Variants in SHOC1 observed in about 807,000 individuals in gnomAD.
SHOC1 encodes the protein shortage in chiasmata 1.
A neutral mutation model predicts 179.2 loss-of-function variants in SHOC1; 136 were observed. That is an observed-to-expected ratio of 0.76 (90% confidence interval 0.66 to 0.87). The LOEUF is 0.87. Ranked by LOEUF, SHOC1 falls within the 40% of genes least tolerant of loss-of-function variation. SHOC1 has a pLI of 0.00. For missense variants in SHOC1, 1,538 were observed against 1,700.8 expected (o/e 0.90, Z 1.68); for synonymous variants, 489 against 586.6 (o/e 0.83, Z 2.41).
intron 23 of SHOC1, among the ~76,000 whole-genome samples, chr9:111,700,986 G>C (rs1157049275): frequency 6.6e-6 from 1 of 152,210 alleles, no homozygotes; most frequent in South Asian, 2.1e-4. Context: ...AGGACTCTTA[G>C]AAGCTTTCTC....
intron 12 of SHOC1, 171 bp downstream of exon 12, chr9:111,738,109 C>A: frequency 2.0e-6 from 1 of 489,878 alleles, no homozygotes; most frequent in Non-Finnish European, 3.4e-6. Context: ...ATCATTTTTT[C>A]AAGAAAATGG....
chr9:111,735,190 A>ATT (rs140714238), intron 12 of SHOC1, among the ~76,000 whole-genome samples: 28 of 148,874 alleles, frequency 1.9e-4, no homozygotes, highest in African/African-American at 6.9e-4. Context: ...TATGTACCAC[A>ATT]TTTTTTTTTT....
intron 12 of SHOC1, 25 bp downstream of exon 12, chr9:111,738,255 C>G (rs1833892115): frequency 6.3e-7 from 1 of 1,576,038 alleles, no homozygotes; most frequent in Non-Finnish European, 8.7e-7. Context: ...GTTTACATAA[C>G]TAATATTTAC....
chr9:111,749,885 T>C (rs1207815861), intron 8 of SHOC1, among the ~76,000 whole-genome samples: 1 of 152,254 alleles, frequency 6.6e-6, no homozygotes, highest in Admixed American at 6.5e-5. Flanking sequence ...TAGTATTCCA[T>C]GGTGTATATG....
Position 111,703,902 on chromosome 9 carries a change from T to C in SHOC1, c.2946A>G (p.Glu982=). 1 of 1,601,238 alleles carries C rather than the reference T, an allele frequency of 6.2e-7. No homozygotes were observed. The highest frequency in any genetic ancestry group is 8.5e-7 in the Non-Finnish European group (1 of 1,171,540). The change falls in exon 22 of 28, where the codon GAA becomes GAG. Residue 982 remains glutamate, a synonymous_variant. Coordinates refer to ENST00000682961, the MANE Select transcript of SHOC1 (RefSeq NM_001378211.1). The stretch of plus-strand genomic sequence containing the variant: ...TTACCTGCAAAATTATGGCAGTGTG[T>C]TCATCAATTGTCACCACTACATAAC... The part of the protein sequence containing the change: ...SECYVVVTID[E]HTAIILQDLE...
At chr9:111,718,059 G>C (rs1322256) in intron 16 of SHOC1, 125 bp downstream of exon 16, 16,955 of 590,354 alleles carry the variant, frequency 0.029, 846 homozygotes, top group African/African-American at 0.16. Flanking sequence ...TGTATGTAAT[G>C]CTTAGTATAA....
intron 5 of SHOC1, among the ~76,000 whole-genome samples, chr9:111,761,946 A>G (rs974151592): frequency 2.0e-5 from 3 of 152,190 alleles, no homozygotes; most frequent in Non-Finnish European, 2.9e-5. Context: ...GGGCATTCTC[A>G]TACCATACTA....
chr9:111,769,506 C>G lies in SHOC1; in HGVS notation c.442+6285G>C, dbSNP rs142897971. On this transcript the variant is annotated intron_variant, in intron 5 of 27. Coordinates refer to ENST00000682961, the MANE Select transcript of SHOC1 (RefSeq NM_001378211.1). ...TTTTCCTTTTTTTGACATAGGGTCT[C>G]ACTCTGTCACCCAGGCTGGAGTGCA... 7.9e-4 allele frequency among the ~76,000 whole-genome samples: 120 copies of G among 152,102 alleles called. 1 individual carries two copies. The highest frequency in any genetic ancestry group is 2.7e-3 in the African/African-American group (114 of 41,488).
rs142080105 is a variant in SHOC1 at position 111,729,824 on chromosome 9, G to A, written c.1418-1775C>T. 2.5e-3 allele frequency among the ~76,000 whole-genome samples: 377 copies of A among 151,180 alleles called. 1 individual carries two copies. Among genetic ancestry groups the A allele is most frequent in the Middle Eastern group, 6.9e-3 (2 of 288 alleles). The stretch of plus-strand genomic sequence containing the variant: ...GGAGAATCGCTTGAACCTGAGAGGC[G>A]GAGGGTACAGTGAGCCAAGATCATG... On this transcript the variant is annotated intron_variant, in intron 12 of 27. Coordinates refer to ENST00000682961, the MANE Select transcript of SHOC1 (RefSeq NM_001378211.1).
Position 111,703,956 on chromosome 9 carries a change from C to T in SHOC1, c.2892G>A (p.Glu964=). Residue 964 remains glutamate (E), a synonymous_variant, in exon 22 of 28, where the codon GAG becomes GAA. Transcript: ENST00000682961. ...NISLVERGCS[E]SLKLFGSSEC... ...CTGAACTTCCAAAGAGTTTCAATGACTCACTGCAGCCTCTCTCTACTAGTG... is the reference window on the plus strand; with the variant it reads ...CTGAACTTCCAAAGAGTTTCAATGATTCACTGCAGCCTCTCTCTACTAGTG... 6.2e-7 allele frequency: 1 copy of T among 1,605,870 alleles called. No homozygotes were observed. Among genetic ancestry groups the T allele is most frequent in the East Asian group, 2.2e-5 (1 of 44,728 alleles).
At position 111,705,359 on chromosome 9, in the gene SHOC1, T is replaced by G; in HGVS notation, c.2743A>C (p.Thr915Pro). Residue 915 changes from threonine to proline, a missense_variant, in exon 21 of 28, where the codon ACC (threonine) becomes CCC (proline). Thr to Pro is a conservative substitution (Grantham distance 38). Transcript: ENST00000682961. ...ILPDTVLERS[T>P]LLDRFGGFLL... is the part of the protein sequence containing the mutation. ...AAACCTCCAAATCTATCCAGCAAGGTGCTTCCTAAATAAGAGAAAATTTAT... is the reference window on the plus strand; with the variant it reads ...AAACCTCCAAATCTATCCAGCAAGGGGCTTCCTAAATAAGAGAAAATTTAT... The G allele has an allele frequency of 6.7e-7, 1 of 1,496,618 alleles. No homozygotes were observed. The highest frequency in any genetic ancestry group is 9.0e-7 in the Non-Finnish European group (1 of 1,116,926). The allele number at this position is 1,496,618 out of a possible 1,614,324, so 92.7% of individuals were successfully genotyped here.
intron 8 of SHOC1, among the ~76,000 whole-genome samples, chr9:111,751,180 C>G (rs1264253075): frequency 6.6e-6 from 1 of 152,146 alleles, no homozygotes; most frequent in African/African-American, 2.4e-5. Flanking sequence ...TTTGAGTTCT[C>G]TATTCTGTTC....
rs777985228 is a variant in SHOC1 at position 111,775,927 on chromosome 9, T to G, written c.306A>C (p.Glu102Asp). 40 of 1,613,314 alleles carry G rather than the reference T, an allele frequency of 2.5e-5. No homozygotes were observed. Among genetic ancestry groups the G allele is most frequent in the Admixed American group, 3.3e-5 (2 of 59,920 alleles). ...MVTQINCEFE[E>D]VVPSSNPDSQ... ...AGTCTGGATTTGAACTTGGAACAACTTCCTCAAATTCACAATTAATCTGGG... is the reference window on the plus strand; with the variant it reads ...AGTCTGGATTTGAACTTGGAACAACGTCCTCAAATTCACAATTAATCTGGG... Residue 102 changes from glutamate (E) to aspartate (D), a missense_variant, in exon 5 of 28, where the codon GAA becomes GAC. Physicochemically the swap from Glu to Asp is conservative, Grantham distance 45. Coordinates refer to ENST00000682961, the MANE Select transcript of SHOC1 (RefSeq NM_001378211.1).
chr9:111,691,199 TA>T (rs1236639482), intron 27 of SHOC1, among the ~76,000 whole-genome samples: 1 of 152,222 alleles, frequency 6.6e-6, no homozygotes, highest in East Asian at 1.9e-4. Context: ...GCTCTTTTAA[TA>T]AACGTTAGTC....
At position 111,738,287 on chromosome 9, in the gene SHOC1, T is replaced by C. The variant is rs768892173; in HGVS notation, c.1410A>G (p.Gln470=). 9 of 1,608,150 alleles carry C rather than the reference T, an allele frequency of 5.6e-6. No homozygotes were observed. Among genetic ancestry groups the C allele is most frequent in the East Asian group, 2.2e-5 (1 of 44,698 alleles). The part of the protein sequence containing the change: ...IEIFLPTKVL[Q]LESCLEHKSH... ...TTACTGTGATGTACTTACATTCTAA[T>C]TGAAGCACTTTCGTAGGCAAAAATA... Residue 470 remains glutamine (Q), a synonymous_variant, in exon 12 of 28, where the codon CAA becomes CAG. Coordinates refer to ENST00000682961, the MANE Select transcript of SHOC1 (RefSeq NM_001378211.1).
At chr9:111,765,776 C>T (rs915734882) in intron 5 of SHOC1, among the ~76,000 whole-genome samples, 8 of 151,726 alleles carry the variant, frequency 5.3e-5, no homozygotes, top group Admixed American at 6.6e-5. Flanking sequence ...TGCAGTGGCA[C>T]GATCTCGGCT....
In SHOC1 at chr9:111,758,707, G is replaced by A. The variant is rs1191569763; in HGVS notation, c.584C>T (p.Ala195Val). The A allele has an allele frequency of 1.0e-5, 16 of 1,575,812 alleles. No individual in the cohort carries two copies. The highest frequency in any genetic ancestry group is 1.4e-5 in the Non-Finnish European group (16 of 1,169,112). ...ATTAAGTAAGTACCTGGAAAAATTA[G>A]CTTCTGTGAAGATCTGTCCTTTGAA... ...LDFKGQIFTE[A>V]NFSRECFSLQ... Residue 195 changes from alanine to valine, a missense_variant, in exon 6 of 28, where the codon GCT becomes GTT. Physicochemically the swap from Ala to Val is moderately conservative, Grantham distance 64. Coordinates refer to ENST00000682961, the MANE Select transcript of SHOC1 (RefSeq NM_001378211.1).
intron 15 of SHOC1, among the ~76,000 whole-genome samples, chr9:111,719,649 C>G (rs1214275866): frequency 6.6e-6 from 1 of 152,096 alleles, no homozygotes; most frequent in Non-Finnish European, 1.5e-5. Context: ...TACCAGAATG[C>G]CAGCTCCCCA....
At position 111,718,180 on chromosome 9, in the gene SHOC1, C is replaced by A; in HGVS notation, c.2236+4G>T. 6.4e-7 allele frequency: 1 copy of A among 1,554,262 alleles called. No homozygotes were observed. Among genetic ancestry groups the A allele is most frequent in the South Asian group, 1.3e-5 (1 of 79,886 alleles). On this transcript the variant is annotated splice_donor_region_variant and intron_variant, in intron 16 of 27. Coordinates refer to ENST00000682961, the MANE Select transcript of SHOC1 (RefSeq NM_001378211.1). ...AAAGAGGAAATAAAATATTCCCCAC[C>A]AACCCAATGCTGTGTCCAAGCTGCA...
Sources: gnomAD v4.1 joint callset for allele counts (sites outside exome capture counted in the v4.1 genomes callset) on GRCh38, gnomAD v4.1.1 for gene constraint, MANE v1.5 for transcripts, NCBI Gene and HGNC (gene_info 2026-07-23, HGNC 2026-07-21) for gene names.